The following DLG2 variants were observed in gnomAD, a reference collection of about 807,000 sequenced individuals.
DLG2 encodes the protein disks large homolog 2.
Under a neutral mutation model 132.5 loss-of-function variants are expected in DLG2, and 45 were observed. The ratio of observed to expected loss-of-function variants is 0.34; its 90% CI spans 0.27 to 0.44. The LOEUF is 0.44. DLG2 is among the 20% of genes least tolerant of loss of function. The pLI, the probability that DLG2 is intolerant of heterozygous loss-of-function variation, is 1.00. For synonymous variants in DLG2, 424 were observed against 419.6 expected (o/e 1.01, Z -0.13); for missense variants, 1,045 against 1,196.9 (o/e 0.87, Z 1.87).
chr11:84,151,504 G>C (rs2095292502), intron 9 of DLG2, among the ~76,000 whole-genome samples: 1 of 151,950 alleles, frequency 6.6e-6, no homozygotes, highest in African/African-American at 2.4e-5. Context: ...AACAACTACT[G>C]GTTTTGCTGA....
chr11:83,642,271 G>C (rs1460679868), intron 18 of DLG2, among the ~76,000 whole-genome samples: 1 of 152,192 alleles, frequency 6.6e-6, no homozygotes, highest in Non-Finnish European at 1.5e-5. Context: ...AAACAGAAAT[G>C]ATCCTTTAGC....
intron 3 of DLG2, among the ~76,000 whole-genome samples, chr11:85,319,087 C>A (rs958969090): frequency 2.6e-5 from 4 of 151,844 alleles, no homozygotes; most frequent in African/African-American, 9.7e-5. Context: ...ATGACTCTAT[C>A]TGTAACTTCT....
At chr11:84,893,871 C>T (rs906318799) in intron 6 of DLG2, among the ~76,000 whole-genome samples, 11 of 152,122 alleles carry the variant, frequency 7.2e-5, no homozygotes, top group African/African-American at 2.7e-4. Context: ...CAGCACTGTA[C>T]AGGCACATTT....
chr11:84,859,294 C>A (rs559064157), intron 6 of DLG2, among the ~76,000 whole-genome samples: 1 of 145,870 alleles, frequency 6.9e-6, no homozygotes. Context: ...ATGTACATTT[C>A]ATAAACATAT....
intron 3 of DLG2, among the ~76,000 whole-genome samples, chr11:85,422,200 C>A (rs1394432322): frequency 6.6e-6 from 1 of 152,160 alleles, no homozygotes; most frequent in African/African-American, 2.4e-5. Context: ...CCCAGGAATT[C>A]TTTGTGCTTA....
chr11:84,502,200 CTCCTTCCTTCCT>C (rs1218812487), intron 7 of DLG2, among the ~76,000 whole-genome samples: 110 of 9,816 alleles, frequency 0.011, no homozygotes, highest in Admixed American at 0.023. Context: ...CTCTCTCTCT[CTCCTTCCTTCCT>C]TCCTTCCTTC....
chr11:83,588,734 A>C (rs930422474), intron 19 of DLG2, among the ~76,000 whole-genome samples: 30 of 151,766 alleles, frequency 2.0e-4, no homozygotes, highest in African/African-American at 6.8e-4. Context: ...AGAAGTTGAA[A>C]ACTTTGAAAA....
chr11:83,464,439 G>A (rs534384083), intron 26 of DLG2, among the ~76,000 whole-genome samples: 1 of 152,324 alleles, frequency 6.6e-6, no homozygotes, highest in Non-Finnish European at 1.5e-5. Context: ...CTTTGCTCCT[G>A]GAGTAAAAGC....
chr11:84,450,568 A>T lies in DLG2; in HGVS notation c.519+84002T>A, dbSNP rs140488908. ...ATGACAAACATGGTCAGATTTAGAG[A>T]TCAGGGAGAATGATGAAGGTGGTAG... On this transcript the variant is annotated intron_variant, in intron 7 of 27. Transcript: ENST00000376104. Among the ~76,000 whole-genome samples, 219 of 151,836 alleles carry T rather than the reference A, an allele frequency of 1.4e-3. 1 individual carries two copies. The highest frequency in any genetic ancestry group is 5.1e-3 in the African/African-American group (211 of 41,484).
intron 2 of DLG2, among the ~76,000 whole-genome samples, chr11:85,615,349 C>A (rs969762306): frequency 6.6e-6 from 1 of 152,092 alleles, no homozygotes; most frequent in Non-Finnish European, 1.5e-5. Context: ...GAAACCCCAT[C>A]TCTACTAAAA....
intron 7 of DLG2, among the ~76,000 whole-genome samples, chr11:84,325,564 G>A (rs929817313): frequency 1.6e-4 from 24 of 151,858 alleles, no homozygotes; most frequent in Admixed American, 1.3e-3. Context: ...ATTAAATTTC[G>A]TATGTTGAAC....
At chr11:84,615,988 C>T (rs1203353648) in intron 6 of DLG2, among the ~76,000 whole-genome samples, 1 of 151,650 alleles carries the variant, frequency 6.6e-6, no homozygotes, top group Admixed American at 6.6e-5. Context: ...TGGAATTTAC[C>T]ATTCAGTGAT....
intron 7 of DLG2, among the ~76,000 whole-genome samples, chr11:84,315,599 T>C (rs1040822403): frequency 3.9e-5 from 6 of 152,158 alleles, no homozygotes; most frequent in Non-Finnish European, 8.8e-5. Context: ...CTTTAAATAA[T>C]AACTGCATTT....
chr11:84,292,298 C>T (rs2098013110), intron 7 of DLG2, among the ~76,000 whole-genome samples: 2 of 152,084 alleles, frequency 1.3e-5, no homozygotes, highest in Non-Finnish European at 2.9e-5. Context: ...AGAGACTTCT[C>T]CAGGCTAATT....
At chr11:85,098,458 G>A (rs2070286963) in intron 6 of DLG2, among the ~76,000 whole-genome samples, 1 of 152,172 alleles carries the variant, frequency 6.6e-6, no homozygotes. Flanking sequence ...GCCATTCCGT[G>A]TGTACTCTAG....
intron 21 of DLG2, among the ~76,000 whole-genome samples, chr11:83,495,824 A>T (rs2094121045): frequency 6.6e-6 from 1 of 152,148 alleles, no homozygotes; most frequent in African/African-American, 2.4e-5. Flanking sequence ...CCAAACACCA[A>T]AATTATTAAG....
intron 6 of DLG2, among the ~76,000 whole-genome samples, chr11:85,012,571 A>G: frequency 6.6e-6 from 1 of 152,128 alleles, no homozygotes; most frequent in East Asian, 1.9e-4. Context: ...TACAAATATA[A>G]TTATTATGCT....
chr11:84,364,322 T>G (rs1159705409), intron 7 of DLG2, among the ~76,000 whole-genome samples: 10 of 151,846 alleles, frequency 6.6e-5, no homozygotes, highest in Non-Finnish European at 1.2e-4. Context: ...GTCTGTTATT[T>G]GTGTATAAGA....
intron 6 of DLG2, among the ~76,000 whole-genome samples, chr11:84,929,023 T>TATATATATA: frequency 7.6e-6 from 1 of 131,700 alleles, no homozygotes; most frequent in South Asian, 2.5e-4. Context: ...TATATATATA[T>TATATATATA]ATTACTGTGA....
Sources: allele counts gnomAD v4.1 joint callset (sites outside exome capture counted in the v4.1 genomes callset), GRCh38; gene constraint gnomAD v4.1.1; transcripts MANE v1.5; gene names NCBI Gene and HGNC (gene_info 2026-07-23, HGNC 2026-07-21).